The following PUS10 variants were observed in gnomAD, a reference collection of about 807,000 sequenced individuals.
PUS10 encodes tRNA pseudouridine synthase Pus10.
PUS10 carries 59 observed loss-of-function variants against 75.0 expected under a neutral mutation model. That is an observed-to-expected ratio of 0.79 (90% CI 0.64 to 0.98). The LOEUF is 0.98. PUS10 is among the 50% of genes least tolerant of loss of function. PUS10 has a pLI of 0.00. For missense variants in PUS10, 650 were observed against 614.4 expected, an observed-to-expected ratio of 1.06 and a Z score of -0.61; for synonymous variants, 219 against 211.6, an observed-to-expected ratio of 1.03 and a Z score of -0.30.
chr2:61,011,230 A>G (rs2104733362), intron 2 of PUS10, among the ~76,000 whole-genome samples: 1 of 152,320 alleles, frequency 6.6e-6, no homozygotes, highest in East Asian at 1.9e-4. Context: ...ATTAAACCTC[A>G]AAGCTCTCTG....
chr2:60,988,514 T>C (rs749150469), intron 4 of PUS10, among the ~76,000 whole-genome samples: 1 of 152,156 alleles, frequency 6.6e-6, no homozygotes, highest in Non-Finnish European at 1.5e-5. Context: ...ATGCAGTAAA[T>C]ACAAATAATG....
In PUS10 at chr2:60,972,683, A is replaced by G. The variant is rs375898607; in HGVS notation, c.469-1126T>C. 6.6e-5 allele frequency among the ~76,000 whole-genome samples: 10 copies of G among 152,294 alleles called. 1 individual carries two copies. Among genetic ancestry groups the G allele is most frequent in the African/African-American group, 2.2e-4 (9 of 41,566 alleles). Reference sequence around the variant, plus strand: ...ATGTAGTCTGCTTCTACGTGTCACAAAAAAAGGCCAACGATTATCATTCAC... The same window carrying G: ...ATGTAGTCTGCTTCTACGTGTCACAGAAAAAGGCCAACGATTATCATTCAC... On this transcript the variant is annotated intron_variant, in intron 4 of 17. Transcript: ENST00000316752.
At chr2:61,002,695 A>G (rs1164520039) in intron 4 of PUS10, among the ~76,000 whole-genome samples, 1 of 152,252 alleles carries the variant, frequency 6.6e-6, no homozygotes, top group Non-Finnish European at 1.5e-5. Flanking sequence ...TCCGAGCCTT[A>G]TAAGAAGGAA....
intron 15 of PUS10, among the ~76,000 whole-genome samples, chr2:60,950,529 T>C (rs909000630): frequency 3.3e-5 from 5 of 152,192 alleles, no homozygotes; most frequent in African/African-American, 1.2e-4. Flanking sequence ...GCTATTCTCA[T>C]GCCTCATCTT....
chr2:60,945,529 CAG>C (rs1286964042), intron 16 of PUS10, among the ~76,000 whole-genome samples: 2 of 152,186 alleles, frequency 1.3e-5, no homozygotes, highest in African/African-American at 4.8e-5. Context: ...CAGAGCCACA[CAG>C]AGAGTGATCT....
At chr2:61,000,780 G>A (rs1001537104) in intron 4 of PUS10, among the ~76,000 whole-genome samples, 5 of 152,048 alleles carry the variant, frequency 3.3e-5, no homozygotes, top group South Asian at 4.1e-4. Flanking sequence ...TTATTAGAAC[G>A]CTAAGCTTGT....
intron 4 of PUS10, among the ~76,000 whole-genome samples, chr2:60,994,084 C>A (rs755028715): frequency 6.6e-6 from 1 of 151,862 alleles, no homozygotes; most frequent in Admixed American, 6.6e-5. Context: ...CCACCGCGCC[C>A]GGCCAGATCG....
At chr2:60,944,230 G>A (rs886745319) in intron 17 of PUS10, 14 of 985,112 alleles carry the variant, frequency 1.4e-5, no homozygotes, top group African/African-American at 3.5e-5. Context: ...TTGAGGGCAC[G>A]ATCACTGGCT....
chr2:60,953,665 G>C (rs1448686305), intron 14 of PUS10, among the ~76,000 whole-genome samples: 1 of 152,148 alleles, frequency 6.6e-6, no homozygotes, highest in African/African-American at 2.4e-5. Flanking sequence ...TTGTGTGGAT[G>C]TTTGTTTTCA....
chr2:61,000,777 A>G (rs1192945391), intron 4 of PUS10, among the ~76,000 whole-genome samples: 1 of 152,164 alleles, frequency 6.6e-6, no homozygotes, highest in Non-Finnish European at 1.5e-5. Context: ...CCATTATTAG[A>G]ACGCTAAGCT....
chr2:61,017,120 C>T (rs988391745), intron 1 of PUS10: 3 of 152,436 alleles, frequency 2.0e-5, no homozygotes, highest in African/African-American at 7.2e-5. Context: ...CTTTTGCACC[C>T]AGTCTGCACT....
intron 7 of PUS10, 149 bp from the exon 8 acceptor site, chr2:60,965,252 C>A (rs962621296): frequency 5.0e-6 from 5 of 998,384 alleles, no homozygotes; most frequent in African/African-American, 4.9e-5. Context: ...TCGGTTTGCC[C>A]AGGAACTATG....
intron 17 of PUS10, among the ~76,000 whole-genome samples, chr2:60,942,691 A>C (rs1416303073): frequency 6.6e-6 from 1 of 152,136 alleles, no homozygotes; most frequent in Non-Finnish European, 1.5e-5. Context: ...TGATAAGAGA[A>C]TACATTTAAA....
chr2:60,965,140 A>G, intron 7 of PUS10, 37 bp from the exon 8 acceptor site: 1 of 1,577,508 alleles, frequency 6.3e-7, no homozygotes, highest in Non-Finnish European at 8.7e-7. Flanking sequence ...AAGGTTAATG[A>G]GTTTATTTTG....
intron 2 of PUS10, 60 bp downstream of exon 2, chr2:61,011,705 T>C (rs1050735393): frequency 5.4e-6 from 7 of 1,303,224 alleles, no homozygotes; most frequent in Admixed American, 3.1e-5. Flanking sequence ...CAAGCATTCA[T>C]TGTAAAATAC....
At position 60,945,048 on chromosome 2, in the gene PUS10, C is replaced by T; in HGVS notation, c.1512G>A (p.Leu504=). The change falls in exon 17 of 18, where the codon CTG becomes CTA. Residue 504 remains leucine (L), a synonymous_variant. Transcript: ENST00000316752. Reference sequence around the variant, plus strand: ...CCAGAATGTCTGCAGTCACATTCATCAGGGACCCAATGTTTGGCTTGGTTC... The same window carrying T: ...CCAGAATGTCTGCAGTCACATTCATTAGGGACCCAATGTTTGGCTTGGTTC... The part of the protein sequence containing the change: ...FGRTKPNIGS[L]MNVTADILEL... The T allele has an allele frequency of 6.2e-7, 1 of 1,614,070 alleles. No individual in the cohort carries two copies. Among genetic ancestry groups the T allele is most frequent in the Non-Finnish European group, 8.5e-7 (1 of 1,179,922 alleles).
intron 4 of PUS10, among the ~76,000 whole-genome samples, chr2:60,993,063 T>C (rs1035631715): frequency 1.3e-5 from 2 of 152,230 alleles, no homozygotes; most frequent in Non-Finnish European, 2.9e-5. Flanking sequence ...GACGCACTAA[T>C]TGTGAAACCA....
Position 60,965,120 on chromosome 2 carries a change from G to A in PUS10, c.678-17C>T, listed in dbSNP as rs774786063. On this transcript the variant is annotated splice_polypyrimidine_tract_variant and intron_variant, in intron 7 of 17. Coordinates refer to ENST00000316752, the MANE Select transcript of PUS10 (RefSeq NM_144709.4). ...ATCGCAGCTCTAAAATAAAATTCAA[G>A]TTAATATAAAAGGTTAATGAGTTTA... 6.2e-7 allele frequency: 1 copy of A among 1,608,788 alleles called. No homozygotes were observed. Among genetic ancestry groups the A allele is most frequent in the African/African-American group, 1.3e-5 (1 of 74,724 alleles).
chr2:60,950,148 T>G (rs1675244080), intron 15 of PUS10, among the ~76,000 whole-genome samples: 1 of 152,204 alleles, frequency 6.6e-6, no homozygotes, highest in South Asian at 2.1e-4. Context: ...AGCTATAGAA[T>G]CACAGATCTA....
Sources: allele counts gnomAD v4.1 joint callset (sites outside exome capture counted in the v4.1 genomes callset), GRCh38; gene constraint gnomAD v4.1.1; transcripts MANE v1.5; gene names NCBI Gene and HGNC (gene_info 2026-07-23, HGNC 2026-07-21).